The following PTGER3 variants were observed in gnomAD, a reference collection of about 807,000 sequenced individuals.
PTGER3 encodes prostaglandin E2 receptor EP3 subtype.
A neutral mutation model predicts 34.7 loss-of-function variants in PTGER3; 22 were observed. The ratio of observed to expected loss-of-function variants is 0.63; its 90% CI spans 0.45 to 0.91. The LOEUF is 0.91. Ranked by LOEUF, PTGER3 falls within the 40% of genes least tolerant of loss-of-function variation. PTGER3 has a pLI of 0.00. For missense variants in PTGER3, 468 were observed against 519.4 expected (o/e 0.90, Z 0.96); for synonymous variants, 241 against 230.1 (o/e 1.05, Z -0.43).
intron 2 of PTGER3, among the ~76,000 whole-genome samples, chr1:70,975,524 A>G (rs964136666): frequency 1.3e-5 from 2 of 152,068 alleles, no homozygotes; most frequent in Non-Finnish European, 2.9e-5. Flanking sequence ...TTCCTTAAAA[A>G]TTTAATTAAG....
chr1:70,882,331 A>G (rs11804440), intron 4 of PTGER3, among the ~76,000 whole-genome samples: 5,786 of 152,180 alleles, frequency 0.038, 272 homozygotes, highest in East Asian at 0.22. Context: ...TGGAAGCTCT[A>G]ACAGGCATTG....
At chr1:71,010,480 G>A (rs1657343907) in intron 2 of PTGER3, 1 of 983,460 alleles carries the variant, frequency 1.0e-6, no homozygotes, top group African/African-American at 1.8e-5. Flanking sequence ...CTAGATGCTG[G>A]AAGGAATAAC....
At chr1:71,021,691 T>C (rs1179896615) in intron 1 of PTGER3, among the ~76,000 whole-genome samples, 1 of 151,770 alleles carries the variant, frequency 6.6e-6, no homozygotes, top group African/African-American at 2.4e-5. Flanking sequence ...CTCTCATCCA[T>C]TCAGAAAATC....
intron 4 of PTGER3, among the ~76,000 whole-genome samples, chr1:70,907,468 A>G (rs1188798639): frequency 1.3e-5 from 2 of 152,250 alleles, no homozygotes; most frequent in Non-Finnish European, 2.9e-5. Context: ...ACCATTTGCC[A>G]TTCAAAAAGC....
intron 2 of PTGER3, chr1:71,007,546 T>C (rs961764007): frequency 2.4e-5 from 24 of 985,236 alleles, no homozygotes; most frequent in Non-Finnish European, 2.7e-5. Flanking sequence ...TGGCACAAAA[T>C]GATGAAGGTT....
chr1:71,045,651 C>T (rs1045066605), intron 1 of PTGER3, among the ~76,000 whole-genome samples: 1 of 152,294 alleles, frequency 6.6e-6, no homozygotes, highest in South Asian at 2.1e-4. Context: ...TCCCTTGCTC[C>T]TCTGCATTGC....
At chr1:71,032,722 C>T (rs972811268) in intron 1 of PTGER3, among the ~76,000 whole-genome samples, 1 of 152,170 alleles carries the variant, frequency 6.6e-6, no homozygotes, top group African/African-American at 2.4e-5. Flanking sequence ...TCAAGCAACT[C>T]CCCCTACCTT....
At chr1:70,964,008 C>G (rs185852178) in intron 2 of PTGER3, among the ~76,000 whole-genome samples, 2 of 152,276 alleles carry the variant, frequency 1.3e-5, no homozygotes, top group African/African-American at 4.8e-5. Context: ...AGGCTAAAAG[C>G]CGTCAGTCTC....
chr1:71,014,349 T>C (rs1467645621), intron 1 of PTGER3, among the ~76,000 whole-genome samples: 1 of 152,174 alleles, frequency 6.6e-6, no homozygotes, highest in Non-Finnish European at 1.5e-5. Flanking sequence ...TGAACTCTTC[T>C]TTTCCTCATC....
intron 4 of PTGER3, among the ~76,000 whole-genome samples, chr1:70,853,531 A>G (rs1056321701): frequency 6.6e-6 from 1 of 152,190 alleles, no homozygotes. Flanking sequence ...GAGAAAATCC[A>G]TACATTTGAT....
At chr1:71,039,111 G>A (rs1660069244) in intron 1 of PTGER3, among the ~76,000 whole-genome samples, 1 of 152,166 alleles carries the variant, frequency 6.6e-6, no homozygotes. Flanking sequence ...CAGGTGGGGA[G>A]GGGAACTGTT....
chr1:71,021,113 T>A (rs935032371), intron 1 of PTGER3, among the ~76,000 whole-genome samples: 1 of 152,122 alleles, frequency 6.6e-6, no homozygotes, highest in East Asian at 1.9e-4. Flanking sequence ...ATGAATTGTG[T>A]CTATATTGCT....
At chr1:70,948,212 A>G (rs1650400224), downstream of PTGER3, among the ~76,000 whole-genome samples, 1 of 151,986 alleles carries the variant, frequency 6.6e-6, no homozygotes. Flanking sequence ...TCTCTGCTTG[A>G]ATTATACATG....
chr1:71,034,362 T>C (rs963823459), intron 1 of PTGER3, among the ~76,000 whole-genome samples: 22 of 152,224 alleles, frequency 1.4e-4, no homozygotes, highest in African/African-American at 4.8e-4. Context: ...AGATGATATA[T>C]ATGCTACCTT....
At chr1:70,971,775 G>T (rs752949984) in intron 3 of PTGER3, 42 bp from the exon 4 acceptor site, 1 of 1,388,768 alleles carries the variant, frequency 7.2e-7, no homozygotes, top group Non-Finnish European at 9.9e-7. Context: ...GCATGGATGG[G>T]GATTATTTTT....
At chr1:70,978,689 G>A (rs1472856638) in intron 2 of PTGER3, among the ~76,000 whole-genome samples, 1 of 152,094 alleles carries the variant, frequency 6.6e-6, no homozygotes, top group African/African-American at 2.4e-5. Context: ...AGCATAGGAT[G>A]GTGATATTCA....
At chr1:70,878,519 G>T (rs939770172) in intron 4 of PTGER3, among the ~76,000 whole-genome samples, 1 of 151,906 alleles carries the variant, frequency 6.6e-6, no homozygotes, top group Non-Finnish European at 1.5e-5. Context: ...TGGCTTTGGG[G>T]TTGGTTTGCT....
At chr1:70,956,998 A>G (rs1222237894) in intron 2 of PTGER3, among the ~76,000 whole-genome samples, 1 of 152,138 alleles carries the variant, frequency 6.6e-6, no homozygotes, top group Non-Finnish European at 1.5e-5. Flanking sequence ...CTGTCTTAAT[A>G]ATAGTAACAA....
intron 4 of PTGER3, among the ~76,000 whole-genome samples, chr1:70,947,035 G>C (rs1650288452): frequency 6.6e-6 from 1 of 152,138 alleles, no homozygotes; most frequent in Non-Finnish European, 1.5e-5. Flanking sequence ...TTGTATCTCA[G>C]CCTCAGCACT....
Sources: allele counts gnomAD v4.1 joint callset (sites outside exome capture counted in the v4.1 genomes callset), GRCh38; gene constraint gnomAD v4.1.1; transcripts MANE v1.5; gene names NCBI Gene and HGNC (gene_info 2026-07-23, HGNC 2026-07-21).